KIFC3: variants seen among roughly 807,000 people sequenced by gnomAD.
KIFC3 encodes kinesin family member C3, also known as kinesin-like protein KIFC3.
Under a neutral mutation model 101.8 loss-of-function variants are expected in KIFC3, and 60 were observed. That is an observed-to-expected ratio of 0.59 (90% confidence interval 0.48 to 0.73). KIFC3 has a LOEUF of 0.73. Among genes scored for constraint, KIFC3 ranks in the 30% least tolerant of loss-of-function variants. KIFC3 has a pLI of 0.00. For synonymous variants in KIFC3, 476 were observed against 482.7 expected (o/e 0.99, Z 0.18); for missense variants, 966 against 1,137.1 (o/e 0.85, Z 2.16).
chr16:57,830,236 C>CTTTTTTTTTTTTTTTTTT (rs34842791), intron 1 of KIFC3, among the ~76,000 whole-genome samples: 1 of 119,316 alleles, frequency 8.4e-6, no homozygotes, highest in Non-Finnish European at 1.8e-5. Context: ...TTTTTTCTTT[C>CTTTTTTTTTTTTTTTTTT]TTTTTTTTTT....
intron 3 of KIFC3, chr16:57,776,007 A>G: frequency 2.0e-6 from 2 of 985,400 alleles, no homozygotes; most frequent in Non-Finnish European, 2.4e-6. Flanking sequence ...TACACTTCAC[A>G]GGCAGAAGCG....
intron 1 of KIFC3, among the ~76,000 whole-genome samples, chr16:57,821,084 T>C (rs2055340307): frequency 6.6e-6 from 1 of 150,876 alleles, no homozygotes; most frequent in African/African-American, 2.4e-5. Flanking sequence ...TGAGCGAAGA[T>C]TACACCATTG....
intron 1 of KIFC3, among the ~76,000 whole-genome samples, chr16:57,850,246 T>A (rs2056020653): frequency 6.6e-6 from 1 of 150,610 alleles, no homozygotes. Context: ...CTACAAAAAA[T>A]TGAAAAATTA....
chr16:57,854,180 G>A (rs1053346068), intron 1 of KIFC3, among the ~76,000 whole-genome samples: 2 of 152,036 alleles, frequency 1.3e-5, no homozygotes, highest in Non-Finnish European at 2.9e-5. Context: ...GAGTTCAAGC[G>A]ATTCACCTGC....
At chr16:57,860,700 A>G (rs1258253168) in intron 1 of KIFC3, among the ~76,000 whole-genome samples, 1 of 151,204 alleles carries the variant, frequency 6.6e-6, no homozygotes, top group Non-Finnish European at 1.5e-5. Context: ...GAATGCCCCT[A>G]CTTTAAACTT....
rs540959328 is a variant in KIFC3 at position 57,816,942 on chromosome 16, C to A, written c.109-18660G>T. The A allele has an allele frequency of 1.8e-3, 643 of 349,906 alleles. 5 individuals carry two copies. Among genetic ancestry groups the A allele is most frequent in the East Asian group, 4.1e-3 (54 of 13,080 alleles). The allele number at this position is 349,906 out of a possible 1,614,324, so 21.7% of individuals were successfully genotyped here. A position where few individuals can be genotyped will look rare whatever the true frequency, so the allele number is the denominator to read the frequency against. ...ATAACAATAATAATCACAGCTAACC[C>A]TTCACACTCACTACATGCCGGGCAC... On this transcript the variant is annotated intron_variant, in intron 1 of 2. Coordinates refer to the KIFC3 transcript ENST00000563028.
At chr16:57,832,892 G>GCTC (rs1370658607) in intron 1 of KIFC3, among the ~76,000 whole-genome samples, 1 of 152,038 alleles carries the variant, frequency 6.6e-6, no homozygotes, top group Non-Finnish European at 1.5e-5. Context: ...TGTTGGACTG[G>GCTC]CTCTTCCTTT....
At chr16:57,796,790 A>C (rs1268401059) in intron 2 of KIFC3, among the ~76,000 whole-genome samples, 1 of 152,198 alleles carries the variant, frequency 6.6e-6, no homozygotes, top group African/African-American at 2.4e-5. Context: ...CACTACATAA[A>C]ATGTTCAGTG....
At chr16:57,759,328 C>A in intron 18 of KIFC3, 175 bp from the exon 19 acceptor site, 1 of 742,074 alleles carries the variant, frequency 1.3e-6, no homozygotes, top group Non-Finnish European at 2.2e-6. Context: ...CACTCCTCAC[C>A]TAGGAGGTAG....
At chr16:57,842,911 C>T (rs538449288) in intron 1 of KIFC3, among the ~76,000 whole-genome samples, 24 of 152,166 alleles carry the variant, frequency 1.6e-4, no homozygotes, top group South Asian at 6.2e-4. Flanking sequence ...GCAGGAAGAT[C>T]GCCTGAGGGA....
chr16:57,789,943 G>A (rs1338914204), intron 3 of KIFC3, among the ~76,000 whole-genome samples: 5 of 151,828 alleles, frequency 3.3e-5, no homozygotes, highest in African/African-American at 1.2e-4. Flanking sequence ...CACCACGTTG[G>A]CCAGGCTGGT....
chr16:57,810,770 G>A (rs61742579), intron 1 of KIFC3: 10 of 757,672 alleles, frequency 1.3e-5, no homozygotes, highest in Non-Finnish European at 1.4e-5. Context: ...TTCAATCCCC[G>A]CAACAACATG....
intron 4 of KIFC3, 37 bp from the exon 5 acceptor site, chr16:57,771,723 AGGGCAGATGACG>A: frequency 6.3e-7 from 1 of 1,589,828 alleles, no homozygotes; most frequent in East Asian, 2.3e-5. Flanking sequence ...GCATGTGGCG[AGGGCAGATGACG>A]GGGGAAAGAA....
intron 13 of KIFC3, among the ~76,000 whole-genome samples, chr16:57,761,911 C>T (rs1261150574): frequency 6.6e-6 from 1 of 151,984 alleles, no homozygotes; most frequent in Non-Finnish European, 1.5e-5. Flanking sequence ...TCATCTGGTC[C>T]CTACACTCCC....
intron 1 of KIFC3, among the ~76,000 whole-genome samples, chr16:57,841,558 T>C (rs1480234607): frequency 2.6e-5 from 4 of 152,102 alleles, no homozygotes; most frequent in African/African-American, 4.8e-5. Context: ...ACCCAGCTGC[T>C]TGGGAGGCCG....
chr16:57,769,730 G>T lies in KIFC3; in HGVS notation c.1088-5C>A, dbSNP rs782625022. 2 of 1,612,870 alleles carry T rather than the reference G, an allele frequency of 1.2e-6. No individual in the cohort carries two copies. The highest frequency in any genetic ancestry group is 1.7e-6 in the Non-Finnish European group (2 of 1,179,860). On this transcript the variant is annotated splice_polypyrimidine_tract_variant and splice_region_variant and intron_variant, in intron 8 of 19. Transcript: ENST00000445690. This position sits in a 1 kb window ranked among gnomAD's most constrained non-coding sequence, Gnocchi z 4.3. ...TCAGCAAGTTGGTCCGGACGCCTAT[G>T]GGGACACTCGGGCTGTGAGGCGGGA...
At chr16:57,801,116 C>A (rs2054696600) in intron 1 of KIFC3, among the ~76,000 whole-genome samples, 1 of 152,296 alleles carries the variant, frequency 6.6e-6, no homozygotes, top group Non-Finnish European at 1.5e-5. Context: ...TACTTTGCTC[C>A]AGTGGTGGGT....
In KIFC3 at chr16:57,769,302, T is replaced by G. The variant is rs1011513703; in HGVS notation, c.1218+293A>C. 1.4e-4 allele frequency among the ~76,000 whole-genome samples: 22 copies of G among 152,196 alleles called. No homozygotes were observed. The highest frequency in any genetic ancestry group is 2.8e-4 in the Non-Finnish European group (19 of 68,028). On this transcript the variant is annotated intron_variant, in intron 9 of 19. Transcript: ENST00000445690. The surrounding 1 kb of genome is among the most constrained non-coding windows in gnomAD (Gnocchi z 4.3). The stretch of plus-strand genomic sequence containing the variant: ...CCGCCTGCCTCGGCCTCCCAAAGTG[T>G]TGGAATTACAGGTGTGAGCCACCGC...
intron 1 of KIFC3, among the ~76,000 whole-genome samples, chr16:57,828,765 C>T (rs1425395042): frequency 1.3e-5 from 2 of 152,176 alleles, no homozygotes; most frequent in African/African-American, 4.8e-5. Flanking sequence ...CCACTCCCTA[C>T]AGGAGGCACT....
Sources: allele counts gnomAD v4.1 joint callset (sites outside exome capture counted in the v4.1 genomes callset), GRCh38; gene constraint gnomAD v4.1.1; non-coding constraint Gnocchi (gnomAD v3.1); transcripts MANE v1.5; gene names NCBI Gene and HGNC (gene_info 2026-07-23, HGNC 2026-07-21).